The following ATP13A5 variants were observed in gnomAD, a reference collection of about 807,000 sequenced individuals.
ATP13A5 encodes the protein ATPase 13A5.
A neutral mutation model predicts 150.2 loss-of-function variants in ATP13A5; 149 were observed. The observed-to-expected ratio is 0.99, with a 90% CI of 0.87 to 1.14. ATP13A5 has a LOEUF of 1.14. ATP13A5 is among the 50% of genes most tolerant of loss of function. ATP13A5 has a pLI of 0.00. For missense variants in ATP13A5, 1,383 were observed against 1,449.3 expected (o/e 0.95, Z 0.74); for synonymous variants, 497 against 522.2 (o/e 0.95, Z 0.66).
intron 6 of ATP13A5, among the ~76,000 whole-genome samples, chr3:193,352,975 T>C (rs955442336): frequency 3.3e-5 from 5 of 151,986 alleles, no homozygotes; most frequent in Non-Finnish European, 7.4e-5. Context: ...AGACAGAACG[T>C]GTCCCTTAGG....
In ATP13A5 at chr3:193,378,074, ATG is replaced by A. The variant is rs5855484; in HGVS notation, c.63+587_63+588del. ...TCAACTTTTTAATTATTATTTTTAAATGTGTGTGTGTGTGTGTGTGTGTGTTT... is the reference window on the plus strand; with the variant it reads ...TCAACTTTTTAATTATTATTTTTAAATGTGTGTGTGTGTGTGTGTGTGTTT... On this transcript the variant is annotated intron_variant, in intron 1 of 29. Coordinates refer to ENST00000342358, the MANE Select transcript of ATP13A5 (RefSeq NM_198505.4). Among the ~76,000 whole-genome samples, 1,072 of 150,776 alleles carry A rather than the reference ATG, an allele frequency of 7.1e-3. 12 individuals carry two copies. Among genetic ancestry groups the A allele is most frequent in the Middle Eastern group, 0.017 (5 of 294 alleles).
In ATP13A5 at chr3:193,333,748, A is replaced by G. The variant is rs776516657; in HGVS notation, c.1272+2T>C. 2.5e-6 allele frequency: 4 copies of G among 1,612,394 alleles called. No individual in the cohort carries two copies. The Admixed American group carries it at 6.7e-5, about 27-fold the overall frequency. ...TTGAAAAGCCTTACCCCCAGTACTTACTCCATGGTACATATATACCCCTAG... is the reference window on the plus strand; with the variant it reads ...TTGAAAAGCCTTACCCCCAGTACTTGCTCCATGGTACATATATACCCCTAG... On this transcript the variant is annotated splice_donor_variant, in intron 11 of 29. Coordinates refer to ENST00000342358, the MANE Select transcript of ATP13A5 (RefSeq NM_198505.4). LOFTEE classifies it high-confidence loss of function.
intron 25 of ATP13A5, among the ~76,000 whole-genome samples, chr3:193,294,891 C>T (rs887728080): frequency 2.6e-5 from 4 of 152,116 alleles, no homozygotes; most frequent in Admixed American, 2.6e-4. Flanking sequence ...CAACACAGTA[C>T]AATGTAAAGT....
chr3:193,378,120 GA>G (rs1713707594), intron 1 of ATP13A5, among the ~76,000 whole-genome samples: 1 of 151,756 alleles, frequency 6.6e-6, no homozygotes, highest in Non-Finnish European at 1.5e-5. Flanking sequence ...CAAGAGTGGG[GA>G]AAAAATTGGA....
At chr3:193,362,746 T>C (rs1427702295) in intron 3 of ATP13A5, 109 bp from the exon 4 acceptor site, 2 of 895,282 alleles carry the variant, frequency 2.2e-6, no homozygotes, top group East Asian at 2.4e-5. Flanking sequence ...TCTCACTTGC[T>C]TTCCTTCTTT....
chr3:193,327,034 C>T lies in ATP13A5; in HGVS notation c.1485G>A (p.Gly495=). 6.2e-7 allele frequency: 1 copy of T among 1,610,904 alleles called. No individual in the cohort carries two copies. Among genetic ancestry groups the T allele is most frequent in the Non-Finnish European group, 8.5e-7 (1 of 1,179,306 alleles). Residue 495 remains glycine (G), a synonymous_variant, in exon 13 of 30, where the codon GGG becomes GGA. Coordinates refer to ENST00000342358, the MANE Select transcript of ATP13A5 (RefSeq NM_198505.4). ...FDKTGTLTED[G]LDLWGTVPTA... Reference sequence around the variant, plus strand: ...TAGGGACAGTCCCCCAGAGGTCCAGCCCATCTTCAGTGAGAGTGCCAGTCT... The same window carrying T: ...TAGGGACAGTCCCCCAGAGGTCCAGTCCATCTTCAGTGAGAGTGCCAGTCT...
chr3:193,303,083 G>A (rs1030234505), intron 23 of ATP13A5, among the ~76,000 whole-genome samples: 4 of 152,158 alleles, frequency 2.6e-5, no homozygotes, highest in Non-Finnish European at 5.9e-5. Flanking sequence ...ACTTTGCACT[G>A]TTATCCAGGA....
chr3:193,275,315 A>G lies in ATP13A5; in HGVS notation c.3397-13T>C. On this transcript the variant is annotated splice_polypyrimidine_tract_variant and intron_variant, in intron 29 of 29. Transcript: ENST00000342358. The stretch of plus-strand genomic sequence containing the variant: ...GAAGGATGGAATCCTGAAAAATCAG[A>G]TGGGAAAACAATCAATTTATTGCGC... 1 of 1,610,802 alleles carries G rather than the reference A, an allele frequency of 6.2e-7. No individual in the cohort carries two copies.
intron 17 of ATP13A5, among the ~76,000 whole-genome samples, chr3:193,317,551 C>T (rs193027791): frequency 3.4e-4 from 51 of 152,178 alleles, no homozygotes; most frequent in African/African-American, 1.1e-3. Flanking sequence ...TGACTTTTTA[C>T]GTCATCTCAA....
chr3:193,283,896 T>G (rs1717606054), intron 27 of ATP13A5, among the ~76,000 whole-genome samples: 2 of 150,594 alleles, frequency 1.3e-5, no homozygotes, highest in Admixed American at 1.3e-4. Context: ...TGCCTTGACA[T>G]TCTCTATTTA....
At position 193,314,982 on chromosome 3, in the gene ATP13A5, C is replaced by T; in HGVS notation, c.2148G>A (p.Val716=). The T allele has an allele frequency of 6.2e-7, 1 of 1,613,232 alleles. No homozygotes were observed. The highest frequency in any genetic ancestry group is 8.5e-7 in the Non-Finnish European group (1 of 1,179,432). Residue 716 remains valine, a synonymous_variant, in exon 18 of 30, where the codon GTG becomes GTA. Coordinates refer to ENST00000342358, the MANE Select transcript of ATP13A5 (RefSeq NM_198505.4). ...GAAACAAATACATACCTGTAATCAT[C>T]ACAGTCCTGATACGGGCCTCACTCA... ...KELSEARIRT[V]MITGDNLQTA... is the part of the protein sequence containing the mutation.
At chr3:193,333,720 C>G (rs757610821) in intron 11 of ATP13A5, 30 bp downstream of exon 11, 1 of 1,599,496 alleles carries the variant, frequency 6.3e-7, no homozygotes, top group East Asian at 2.2e-5. Flanking sequence ...AGAATCTATA[C>G]TATTGAAAAG....
chr3:193,335,311 T>A (rs1050345910), intron 9 of ATP13A5, among the ~76,000 whole-genome samples: 4 of 152,198 alleles, frequency 2.6e-5, no homozygotes, highest in Non-Finnish European at 5.9e-5. Context: ...TGCCTATCTA[T>A]CCTATACCTG....
intron 1 of ATP13A5, among the ~76,000 whole-genome samples, chr3:193,374,680 CA>C (rs952500190): frequency 1.6e-4 from 25 of 151,910 alleles, no homozygotes; most frequent in African/African-American, 5.8e-4. Context: ...CACACGCATA[CA>C]TAGTGCTATA....
intron 25 of ATP13A5, among the ~76,000 whole-genome samples, chr3:193,292,169 G>A (rs926687906): frequency 2.6e-5 from 4 of 152,102 alleles, no homozygotes; most frequent in African/African-American, 9.7e-5. Flanking sequence ...GGTACACAGT[G>A]TGGACTGTGA....
Position 193,333,857 on chromosome 3 carries a change from G to A in ATP13A5, c.1165C>T (p.Pro389Ser). The A allele has an allele frequency of 2.5e-6, 4 of 1,613,912 alleles. No individual in the cohort carries two copies. Among genetic ancestry groups the A allele is most frequent in the Non-Finnish European group, 3.4e-6 (4 of 1,179,868 alleles). ...TCGCTGTATAGTTTGAAGTTCAGAG[G>A]CCGGGGGTACAGGATGGATCTCACT... is the stretch of plus-strand genomic sequence containing the variant. Reference protein sequence around the residue: ...DLVRSILYPRPLNFKLYSDAF... With the variant: ...DLVRSILYPRSLNFKLYSDAF... Residue 389 changes from proline to serine, a missense_variant, in exon 11 of 30, where the codon CCT becomes TCT. Physicochemically the swap from Pro to Ser is moderately conservative, Grantham distance 74. This residue lies in a region of ATP13A5 where 787 missense variants were observed against 771.9 expected (regional missense o/e 1.02). Coordinates refer to ENST00000342358, the MANE Select transcript of ATP13A5 (RefSeq NM_198505.4).
At chr3:193,298,188 T>C (rs980836741) in intron 25 of ATP13A5, among the ~76,000 whole-genome samples, 5 of 152,150 alleles carry the variant, frequency 3.3e-5, no homozygotes, top group African/African-American at 1.2e-4. Context: ...TGGTGTTTTT[T>C]TTCTCTTTTT....
chr3:193,341,130 A>G (rs1456663529), intron 9 of ATP13A5, among the ~76,000 whole-genome samples: 1 of 151,882 alleles, frequency 6.6e-6, no homozygotes, highest in Non-Finnish European at 1.5e-5. Context: ...AAAAAAAGCT[A>G]TAGTGCCAAG....
intron 15 of ATP13A5, 83 bp downstream of exon 15, chr3:193,322,408 G>T: frequency 9.4e-7 from 1 of 1,059,548 alleles, no homozygotes; most frequent in Non-Finnish European, 1.4e-6. Flanking sequence ...AAAATAATAG[G>T]ACTATAAAAA....
Sources: gnomAD v4.1 joint callset for allele counts (sites outside exome capture counted in the v4.1 genomes callset) on GRCh38, gnomAD v4.1.1 for gene constraint, gnomAD v4.1.1 regional missense constraint, MANE v1.5 for transcripts, NCBI Gene and HGNC (gene_info 2026-07-23, HGNC 2026-07-21) for gene names.